The following SLC35F1 variants were observed in gnomAD, a reference collection of about 807,000 sequenced individuals.
SLC35F1 encodes solute carrier family 35 member F1, also known as chromosome 6 open reading frame 169.
SLC35F1 carries 14 observed loss-of-function variants against 48.7 expected under a neutral mutation model. That is an observed-to-expected ratio of 0.29 (90% confidence interval 0.19 to 0.45). The LOEUF (loss-of-function observed/expected upper bound fraction) is 0.45. SLC35F1 is among the 20% of genes least tolerant of loss of function. SLC35F1 has a pLI of 1.00. For missense variants in SLC35F1, 404 were observed against 500.0 expected, an observed-to-expected ratio of 0.81 and a Z score of 1.83; for synonymous variants, 190 against 202.2, an observed-to-expected ratio of 0.94 and a Z score of 0.51.
chr6:117,974,665 G>A (rs1008703211), intron 1 of SLC35F1, among the ~76,000 whole-genome samples: 2 of 152,144 alleles, frequency 1.3e-5, no homozygotes, highest in African/African-American at 2.4e-5. Context: ...TTTGGTTTCT[G>A]TGGGATTATC....
chr6:118,209,605 A>G (rs901642183), intron 2 of SLC35F1, among the ~76,000 whole-genome samples: 27 of 152,170 alleles, frequency 1.8e-4, no homozygotes, highest in African/African-American at 5.5e-4. Flanking sequence ...AGAATTTTGA[A>G]AACTAAAGTC....
chr6:118,212,693 G>GA (rs927111460), intron 2 of SLC35F1, among the ~76,000 whole-genome samples: 2 of 121,424 alleles, frequency 1.6e-5, no homozygotes, highest in African/African-American at 6.9e-5. Flanking sequence ...AGAAAAGAAA[G>GA]AAAGAAGGAA....
intron 2 of SLC35F1, among the ~76,000 whole-genome samples, chr6:118,210,299 T>G (rs1313909265): frequency 6.6e-6 from 1 of 152,234 alleles, no homozygotes; most frequent in Non-Finnish European, 1.5e-5. Context: ...ATGTTTCATG[T>G]TCGTCATTTT....
At chr6:118,133,085 A>G (rs1195576040) in intron 1 of SLC35F1, among the ~76,000 whole-genome samples, 1 of 152,104 alleles carries the variant, frequency 6.6e-6, no homozygotes, top group Non-Finnish European at 1.5e-5. Context: ...ACTCTCTGGG[A>G]ATAACAGATT....
At chr6:118,297,643 AT>A (rs1776204983) in intron 7 of SLC35F1, among the ~76,000 whole-genome samples, 1 of 86,990 alleles carries the variant, frequency 1.1e-5, no homozygotes. Flanking sequence ...TATATAAAAA[AT>A]ATATATATAA....
chr6:118,270,142 G>C (rs1044464783), intron 4 of SLC35F1, among the ~76,000 whole-genome samples: 1 of 152,022 alleles, frequency 6.6e-6, no homozygotes, highest in African/African-American at 2.4e-5. Flanking sequence ...TCTTCGTTTG[G>C]GATTTTGACA....
chr6:118,101,547 G>A (rs561035392), intron 1 of SLC35F1, among the ~76,000 whole-genome samples: 1 of 152,326 alleles, frequency 6.6e-6, no homozygotes, highest in East Asian at 1.9e-4. Flanking sequence ...TAGGGATGGA[G>A]ACAGAGCTGT....
intron 1 of SLC35F1, among the ~76,000 whole-genome samples, chr6:118,073,967 T>C (rs973183052): frequency 2.0e-5 from 3 of 152,182 alleles, no homozygotes; most frequent in African/African-American, 7.2e-5. Context: ...TATCAGCAAA[T>C]CCAGGGGAAA....
chr6:118,046,109 A>G (rs1772296228), intron 1 of SLC35F1, among the ~76,000 whole-genome samples: 1 of 152,218 alleles, frequency 6.6e-6, no homozygotes. Context: ...TAATGCAAGG[A>G]TCTAGGGACA....
At chr6:118,156,287 A>T (rs1774139662) in intron 2 of SLC35F1, among the ~76,000 whole-genome samples, 1 of 152,154 alleles carries the variant, frequency 6.6e-6, no homozygotes. Flanking sequence ...ATTCTGAGCC[A>T]AATATGAGTG....
At chr6:117,940,625 T>C (rs1224262485) in intron 1 of SLC35F1, among the ~76,000 whole-genome samples, 1 of 151,984 alleles carries the variant, frequency 6.6e-6, no homozygotes, top group Non-Finnish European at 1.5e-5. Context: ...ATGGAGAAGA[T>C]GTGCTTTTTT....
chr6:117,923,973 G>T (rs1292310457), intron 1 of SLC35F1, among the ~76,000 whole-genome samples: 1 of 150,820 alleles, frequency 6.6e-6, no homozygotes, highest in African/African-American at 2.4e-5. Flanking sequence ...ATAGGGAATA[G>T]AATGGAAATT....
chr6:118,113,244 A>T (rs555612036), intron 1 of SLC35F1, among the ~76,000 whole-genome samples: 2 of 152,152 alleles, frequency 1.3e-5, no homozygotes, highest in South Asian at 4.2e-4. Flanking sequence ...GTGCCACCAC[A>T]CTGGGCTAAT....
At chr6:117,928,587 A>G (rs940947642) in intron 1 of SLC35F1, among the ~76,000 whole-genome samples, 1 of 152,192 alleles carries the variant, frequency 6.6e-6, no homozygotes, top group Non-Finnish European at 1.5e-5. Flanking sequence ...TCCATGATAA[A>G]TTTCTAATCA....
intron 1 of SLC35F1, among the ~76,000 whole-genome samples, chr6:118,058,883 C>T (rs766018530): frequency 6.6e-5 from 10 of 152,120 alleles, no homozygotes; most frequent in African/African-American, 2.4e-4. Flanking sequence ...CAATTCATAA[C>T]CTTTTCAAGA....
chr6:118,217,803 T>G (rs1417776440), intron 2 of SLC35F1, among the ~76,000 whole-genome samples: 2 of 152,154 alleles, frequency 1.3e-5, no homozygotes, highest in Non-Finnish European at 2.9e-5. Context: ...TAATTTAAAC[T>G]CTGGTAGGAT....
chr6:118,255,284 A>C (rs941165304), intron 3 of SLC35F1, among the ~76,000 whole-genome samples: 5 of 152,216 alleles, frequency 3.3e-5, no homozygotes, highest in Admixed American at 2.0e-4. Context: ...TAAAATGGGA[A>C]AAATAAGAAC....
At chr6:118,242,281 T>A (rs982602567) in intron 3 of SLC35F1, among the ~76,000 whole-genome samples, 1 of 152,238 alleles carries the variant, frequency 6.6e-6, no homozygotes, top group Non-Finnish European at 1.5e-5. Context: ...CATGTAGTAA[T>A]ATTTCATTGT....
rs1216321071 is a variant in SLC35F1, at chr6:118,235,520, C to G, written c.361C>G (p.Leu121Val). 6.2e-7 allele frequency: 1 copy of G among 1,612,616 alleles called. No homozygotes were observed. Among genetic ancestry groups the G allele is most frequent in the Non-Finnish European group, 8.5e-7 (1 of 1,179,178 alleles). The change falls in exon 3 of 8, where the codon CTC becomes GTC. Residue 121 changes from leucine to valine, a missense_variant. Physicochemically the swap from Leu to Val is conservative, Grantham distance 32. Transcript: ENST00000360388. Reference protein sequence around the residue: ...TLAVRQGEENLLAILRRRWWK... With the variant: ...TLAVRQGEENVLAILRRRWWK... ...ACTTTGTAACACAGGAGAAGAAAAC[C>G]TCCTGGCAATTTTACGACGAAGATG...
Sources: allele counts gnomAD v4.1 joint callset (sites outside exome capture counted in the v4.1 genomes callset), GRCh38; gene constraint gnomAD v4.1.1; transcripts MANE v1.5; gene names NCBI Gene and HGNC (gene_info 2026-07-23, HGNC 2026-07-21).